The following VTA1 variants were observed in gnomAD, a reference collection of about 807,000 sequenced individuals.
VTA1 encodes the protein vacuolar protein sorting-associated protein VTA1 homolog.
In VTA1, 24 loss-of-function variants were observed where a neutral mutation model predicts 36.9. The ratio of observed to expected loss-of-function variants is 0.65; its 90% confidence interval spans 0.47 to 0.91. The LOEUF is 0.91. Ranked by LOEUF, VTA1 falls within the 40% of genes least tolerant of loss-of-function variation. The pLI is 0.00. For missense variants in VTA1, 393 were observed against 377.2 expected, an observed-to-expected ratio of 1.04 and a Z score of -0.35; for synonymous variants, 142 against 130.2, an observed-to-expected ratio of 1.09 and a Z score of -0.62.
intron 5 of VTA1, among the ~76,000 whole-genome samples, chr6:142,193,127 G>T (rs1291487077): frequency 6.6e-6 from 1 of 152,006 alleles, no homozygotes. Context: ...AGGATTTCTA[G>T]TGTTTCTTTG....
chr6:142,199,979 A>G (rs1237156406), intron 6 of VTA1, among the ~76,000 whole-genome samples: 1 of 152,148 alleles, frequency 6.6e-6, no homozygotes, highest in African/African-American at 2.4e-5. Flanking sequence ...CCTTAGATGA[A>G]TACTGTTCAG....
At chr6:142,216,646 A>G (rs1776009306) in intron 7 of VTA1, among the ~76,000 whole-genome samples, 1 of 152,132 alleles carries the variant, frequency 6.6e-6, no homozygotes, top group African/African-American at 2.4e-5. Context: ...TTATTTCACA[A>G]AAAAATACAG....
chr6:142,163,983 A>G lies in VTA1; in HGVS notation c.113-2245A>G, dbSNP rs989566940. On this transcript the variant is annotated intron_variant, in intron 1 of 7. Transcript: ENST00000367630. ...TATTTTATTTTCCATACTCTAGCCA[A>G]TTGTTTTGCCAATCCCTGGGATCAT... Among the ~76,000 whole-genome samples, 4 of 152,128 alleles carry G rather than the reference A, an allele frequency of 2.6e-5. No homozygotes were observed. In the East Asian group the frequency reaches 7.7e-4, roughly 29 times the overall value.
At chr6:142,207,613 A>AAAAGG (rs1775818510) in intron 7 of VTA1, among the ~76,000 whole-genome samples, 1 of 152,142 alleles carries the variant, frequency 6.6e-6, no homozygotes, top group Non-Finnish European at 1.5e-5. Context: ...CCTAGAGCTG[A>AAAAGG]AAAGGAGGTA....
At position 142,170,357 on chromosome 6, in the gene VTA1, A is replaced by C. The variant is rs755502919; in HGVS notation, c.347A>C (p.Lys116Thr). 6.2e-7 allele frequency: 1 copy of C among 1,607,154 alleles called. No individual in the cohort carries two copies. Among genetic ancestry groups the C allele is most frequent in the Non-Finnish European group, 8.5e-7 (1 of 1,176,438 alleles). ...CTTTTCTCTTCCAGAAACATGATCA[A>C]GTCCTTCTATACTGCAAGTCTTTTG... The part of the protein sequence containing the change: ...RAGRFHKNMI[K>T]SFYTASLLID... The change falls in exon 4 of 8, where the codon AAG (lysine) becomes ACG (threonine). Residue 116 changes from lysine to threonine, a missense_variant. By Grantham distance (78) the Lys-to-Thr change is moderately conservative. Transcript: ENST00000367630.
Position 142,224,513 on chromosome 6 carries a change from A to G in VTA1, c.*5870A>G, listed in dbSNP as rs138153743. 361 of 152,310 alleles carry G rather than the reference A, an allele frequency of 2.4e-3. 2 individuals are homozygous for G. Among genetic ancestry groups the G allele is most frequent in the African/African-American group, 8.2e-3 (342 of 41,564 alleles). The allele number at this position is 152,310 out of a possible 1,614,324, so 9.4% of individuals were successfully genotyped here. ...CACGTAAGTTAAACTTTATTTATTT[A>G]CATGTGTCTCCCTCATTAGATGCTA... On this transcript the variant is annotated 3_prime_UTR_variant, in exon 8 of 8. Coordinates refer to ENST00000367630, the MANE Select transcript of VTA1 (RefSeq NM_016485.5).
At chr6:142,197,499 C>T (rs937008472) in intron 5 of VTA1, among the ~76,000 whole-genome samples, 1 of 152,094 alleles carries the variant, frequency 6.6e-6, no homozygotes. Context: ...TTTTCAAATT[C>T]GGCTCACGAT....
intron 4 of VTA1, among the ~76,000 whole-genome samples, chr6:142,178,761 A>G (rs186530776): frequency 7.2e-5 from 11 of 152,220 alleles, no homozygotes; most frequent in African/African-American, 2.2e-4. Flanking sequence ...TACATACCAT[A>G]ATTGTAAATG....
At chr6:142,211,794 A>T (rs1361243321) in intron 7 of VTA1, among the ~76,000 whole-genome samples, 4 of 152,214 alleles carry the variant, frequency 2.6e-5, no homozygotes, top group African/African-American at 9.6e-5. Flanking sequence ...AGGACTGTTA[A>T]CAAAATATAC....
chr6:142,190,144 C>G (rs911163467), intron 5 of VTA1, among the ~76,000 whole-genome samples: 1 of 152,056 alleles, frequency 6.6e-6, no homozygotes, highest in Non-Finnish European at 1.5e-5. Flanking sequence ...ACGAAGAATA[C>G]CGTATCATTT....
At chr6:142,210,181 C>G (rs1025506236) in intron 7 of VTA1, among the ~76,000 whole-genome samples, 1 of 152,066 alleles carries the variant, frequency 6.6e-6, no homozygotes, top group Non-Finnish European at 1.5e-5. Context: ...ACAATTTTTT[C>G]AATAAATAGT....
chr6:142,155,699 A>T (rs4896580), intron 1 of VTA1, among the ~76,000 whole-genome samples: 39,635 of 151,996 alleles, frequency 0.26, 5,840 homozygotes, highest in East Asian at 0.68. Context: ...GCCTTTTAAC[A>T]TTCTACTTTA....
Position 142,155,484 on chromosome 6 carries a change from T to A in VTA1, c.112+8085T>A, listed in dbSNP as rs562573800. Among the ~76,000 whole-genome samples the A allele has an allele frequency of 1.4e-4, 22 of 152,298 alleles. No individual in the cohort carries two copies. The South Asian group carries it at 4.6e-3, about 32-fold the overall frequency. On this transcript the variant is annotated intron_variant, in intron 1 of 7. Coordinates refer to ENST00000367630, the MANE Select transcript of VTA1 (RefSeq NM_016485.5). ...GAAAGTAATGTAATTGTTTAAACAT[T>A]ACAAAGCATCTTTTATAACGTGAGG... is the stretch of plus-strand genomic sequence containing the variant.
At chr6:142,193,289 AT>A (rs768961846) in intron 5 of VTA1, among the ~76,000 whole-genome samples, 24 of 152,230 alleles carry the variant, frequency 1.6e-4, no homozygotes, top group Admixed American at 1.2e-3. Context: ...GAAGTATATG[AT>A]TTTGGTGAAA....
chr6:142,169,631 ATGTTTT>A lies in VTA1; in HGVS notation c.293_298del (p.Phe98_Leu99del). The A allele has an allele frequency of 6.2e-7, 1 of 1,609,902 alleles. No individual in the cohort carries two copies. Among genetic ancestry groups the A allele is most frequent in the African/African-American group, 1.3e-5 (1 of 74,984 alleles). The stretch of plus-strand genomic sequence containing the variant: ...CCATTTGGAGAATTATGCTTTGAAA[ATGTTTT>A]TGTATGCAGACAATGAAGATCGTGC... On this transcript the variant is annotated inframe_deletion, in exon 3 of 8. Coordinates refer to ENST00000367630, the MANE Select transcript of VTA1 (RefSeq NM_016485.5).
chr6:142,209,650 G>T (rs979471181), intron 7 of VTA1, among the ~76,000 whole-genome samples: 2 of 150,544 alleles, frequency 1.3e-5, no homozygotes, highest in African/African-American at 4.9e-5. Context: ...CCTGGGAACC[G>T]ATCTAACTAA....
rs1457259668 is a variant in VTA1 at position 142,196,766 on chromosome 6, T to G, written c.521-1673T>G. ...ACATTTTCCTTTTCTCCCCTAATTTTTAATAATTTCTATTTGTTGATAACA... is the reference window on the plus strand; with the variant it reads ...ACATTTTCCTTTTCTCCCCTAATTTGTAATAATTTCTATTTGTTGATAACA... On this transcript the variant is annotated intron_variant, in intron 5 of 7. Coordinates refer to ENST00000367630, the MANE Select transcript of VTA1 (RefSeq NM_016485.5). Among the ~76,000 whole-genome samples the G allele has an allele frequency of 2.0e-5, 3 of 152,310 alleles. No homozygotes were observed. In the South Asian group the frequency reaches 6.2e-4, roughly 32 times the overall value.
chr6:142,168,558 G>A (rs1030008414), intron 2 of VTA1, among the ~76,000 whole-genome samples: 3 of 151,404 alleles, frequency 2.0e-5, no homozygotes, highest in African/African-American at 7.3e-5. Context: ...TTTTTTAAAT[G>A]CTTTAAATTA....
intron 1 of VTA1, among the ~76,000 whole-genome samples, chr6:142,151,578 A>G (rs1261038460): frequency 6.6e-6 from 1 of 152,232 alleles, no homozygotes; most frequent in East Asian, 1.9e-4. Flanking sequence ...CAACTGGAAT[A>G]TTGTATTTCT....
Sources: allele counts gnomAD v4.1 joint callset (sites outside exome capture counted in the v4.1 genomes callset), GRCh38; gene constraint gnomAD v4.1.1; transcripts MANE v1.5; gene names NCBI Gene and HGNC (gene_info 2026-07-23, HGNC 2026-07-21).